EXOC5: variants seen among roughly 807,000 people sequenced by gnomAD.
EXOC5 encodes the protein SEC10-like 1.
Under a neutral mutation model 90.8 loss-of-function variants are expected in EXOC5, and 17 were observed. That is an observed-to-expected ratio of 0.19 (90% confidence interval 0.13 to 0.28). The LOEUF (loss-of-function observed/expected upper bound fraction) is 0.28. EXOC5 is among the 10% of genes least tolerant of loss of function. The pLI, the probability that EXOC5 is intolerant of heterozygous loss-of-function variation, is 1.00. For synonymous variants in EXOC5, 260 were observed against 270.0 expected, an observed-to-expected ratio of 0.96 and a Z score of 0.36; for missense variants, 569 against 830.6, an observed-to-expected ratio of 0.69 and a Z score of 3.87.
intron 4 of EXOC5, among the ~76,000 whole-genome samples, chr14:57,242,128 G>A (rs1383388822): frequency 3.8e-5 from 5 of 131,852 alleles, no homozygotes; most frequent in African/African-American, 1.1e-4. Flanking sequence ...GCGAGACTCC[G>A]TCTGAAAAAA....
chr14:57,267,019 T>C (rs539338859), intron 1 of EXOC5, among the ~76,000 whole-genome samples: 7 of 152,282 alleles, frequency 4.6e-5, no homozygotes, highest in Non-Finnish European at 1.0e-4. Flanking sequence ...CAGTTTTCAG[T>C]TAAGAGCTGG....
At chr14:57,212,516 T>C (rs1475655678) in intron 15 of EXOC5, among the ~76,000 whole-genome samples, 1 of 152,234 alleles carries the variant, frequency 6.6e-6, no homozygotes, top group Non-Finnish European at 1.5e-5. Context: ...GCACAGTTAC[T>C]CTGTCCTTGG....
intron 12 of EXOC5, 67 bp downstream of exon 12, chr14:57,229,667 G>T: frequency 8.2e-7 from 1 of 1,220,018 alleles, no homozygotes; most frequent in Non-Finnish European, 1.1e-6. Flanking sequence ...CGGAGGTTCT[G>T]GAATCAATTC....
Position 57,202,087 on chromosome 14 carries a change from C to T in EXOC5, c.*6522G>A, listed in dbSNP as rs1319323505. 4 of 152,120 alleles carry T rather than the reference C, an allele frequency of 2.6e-5. No individual in the cohort carries two copies. In the South Asian group the frequency reaches 8.3e-4, roughly 32 times the overall value. The allele number at this position is 152,120 out of a possible 1,614,324, so 9.4% of individuals were successfully genotyped here. ...TATGTGATAGGATGCAACAATAACA[C>T]AGAGTTGCATCCGTGGTATGTCTGC... On this transcript the variant is annotated 3_prime_UTR_variant, in exon 18 of 18. Transcript: ENST00000621441.
chr14:57,248,863 T>A (rs1884103814), intron 1 of EXOC5, among the ~76,000 whole-genome samples: 1 of 152,118 alleles, frequency 6.6e-6, no homozygotes, highest in African/African-American at 2.4e-5. Context: ...AATGAACTCA[T>A]TTAGCAACAT....
At chr14:57,251,561 A>G (rs2139659510) in intron 1 of EXOC5, among the ~76,000 whole-genome samples, 1 of 152,332 alleles carries the variant, frequency 6.6e-6, no homozygotes, top group East Asian at 1.9e-4. Context: ...TTGCAACTAG[A>G]AACATTTATA....
Position 57,201,568 on chromosome 14 carries a change from T to TTATATATA in EXOC5, c.*7033_*7040dup, listed in dbSNP as rs71104542. ...ACATATATTTTTATATATATTAATATTATATATATATATATATATATATAT... is the reference window on the plus strand; with the variant it reads ...ACATATATTTTTATATATATTAATATTATATATATATATATATATATATATATATATAT... On this transcript the variant is annotated 3_prime_UTR_variant, in exon 18 of 18. Transcript: ENST00000621441. 214 of 93,392 alleles carry TTATATATA rather than the reference T, an allele frequency of 2.3e-3. No homozygotes were observed. Among genetic ancestry groups the TTATATATA allele is most frequent in the East Asian group, 6.7e-3 (26 of 3,874 alleles). 5.8% of individuals were successfully genotyped at this position (93,392 alleles called of 1,614,324 possible).
chr14:57,220,877 A>C (rs1158060543), intron 13 of EXOC5, among the ~76,000 whole-genome samples: 1 of 152,126 alleles, frequency 6.6e-6, no homozygotes, highest in East Asian at 1.9e-4. Flanking sequence ...TCCCTTACTC[A>C]GTTTTACTTT....
chr14:57,223,197 C>T (rs189723962), intron 12 of EXOC5, among the ~76,000 whole-genome samples: 14 of 152,080 alleles, frequency 9.2e-5, no homozygotes, highest in African/African-American at 2.2e-4. Flanking sequence ...TTCATTTTGG[C>T]GCTGCTGTTG....
chr14:57,240,309 GCA>G (rs1242996802), intron 4 of EXOC5, among the ~76,000 whole-genome samples: 1 of 150,852 alleles, frequency 6.6e-6, no homozygotes, highest in East Asian at 2.0e-4. Context: ...TGTGTGTAAA[GCA>G]CAGATATCTC....
intron 1 of EXOC5, among the ~76,000 whole-genome samples, chr14:57,251,350 A>G (rs1884187182): frequency 6.6e-6 from 1 of 152,164 alleles, no homozygotes; most frequent in Non-Finnish European, 1.5e-5. Context: ...ACAGAGGCAT[A>G]AAGAGGCTGG....
intron 1 of EXOC5, among the ~76,000 whole-genome samples, chr14:57,259,108 A>G (rs7144023): frequency 0.25 from 36,929 of 148,930 alleles, 10,833 homozygotes; most frequent in African/African-American, 0.71. Context: ...ATTCACACAC[A>G]CTTTTCTTTT....
chr14:57,267,737 C>G (rs1308353757), intron 1 of EXOC5, among the ~76,000 whole-genome samples: 1 of 152,130 alleles, frequency 6.6e-6, no homozygotes, highest in African/African-American at 2.4e-5. Context: ...CTTCTTACAA[C>G]GGACTTCACG....
intron 3 of EXOC5, among the ~76,000 whole-genome samples, chr14:57,245,760 A>C (rs1884013783): frequency 6.6e-6 from 1 of 152,134 alleles, no homozygotes; most frequent in Non-Finnish European, 1.5e-5. Context: ...AACTACACTA[A>C]GGGAAATCAA....
intron 1 of EXOC5, among the ~76,000 whole-genome samples, chr14:57,251,348 A>G (rs1884187113): frequency 6.6e-6 from 1 of 152,348 alleles, no homozygotes; most frequent in African/African-American, 2.4e-5. Flanking sequence ...CCACAGAGGC[A>G]TAAAGAGGCT....
chr14:57,201,286 G>T lies in EXOC5; in HGVS notation c.*7323C>A, dbSNP rs1342765143. 2 of 151,766 alleles carry T rather than the reference G, an allele frequency of 1.3e-5. No homozygotes were observed. Among genetic ancestry groups the T allele is most frequent in the African/African-American group, 4.8e-5 (2 of 41,306 alleles). 9.4% of individuals were successfully genotyped at this position (151,766 alleles called of 1,614,324 possible). ...AAAAATGATGGGAACATGCCAAAACGACACAGGAGACAACCTGAAGAGGCT... is the reference window on the plus strand; with the variant it reads ...AAAAATGATGGGAACATGCCAAAACTACACAGGAGACAACCTGAAGAGGCT... On this transcript the variant is annotated 3_prime_UTR_variant, in exon 18 of 18. Transcript: ENST00000621441.
intron 15 of EXOC5, among the ~76,000 whole-genome samples, chr14:57,213,640 A>G (rs1279845778): frequency 6.6e-6 from 1 of 151,858 alleles, no homozygotes; most frequent in Admixed American, 6.6e-5. Context: ...TTCGAGACTG[A>G]GCCACTGTGC....
At chr14:57,258,982 C>T (rs1256206221) in intron 1 of EXOC5, among the ~76,000 whole-genome samples, 1 of 152,166 alleles carries the variant, frequency 6.6e-6, no homozygotes, top group Non-Finnish European at 1.5e-5. Context: ...TTCAAAAGTA[C>T]TGCCTATCAT....
Position 57,208,683 on chromosome 14 carries a change from T to C in EXOC5, c.2053A>G (p.Lys685Glu). 4 of 1,612,708 alleles carry C rather than the reference T, an allele frequency of 2.5e-6. No individual in the cohort carries two copies. Among genetic ancestry groups the C allele is most frequent in the Non-Finnish European group, 3.4e-6 (4 of 1,179,460 alleles). ...CSGEQLANLDKNILHSFVQLR... is the reference protein window; with the variant it reads ...CSGEQLANLDENILHSFVQLR... ...TGTACGAAGGAGTGAAGTATATTCT[T>C]GTCCAGATTAGCAAGTTGTTCTCCT... The change falls in exon 18 of 18, where the codon AAG (lysine) becomes GAG (glutamate). Residue 685 changes from lysine (K) to glutamate (E), a missense_variant. Transcript: ENST00000621441.
Sources: gnomAD v4.1 joint callset for allele counts (sites outside exome capture counted in the v4.1 genomes callset) on GRCh38, gnomAD v4.1.1 for gene constraint, MANE v1.5 for transcripts, NCBI Gene and HGNC (gene_info 2026-07-23, HGNC 2026-07-21) for gene names.